NSMCE2: variants seen among roughly 807,000 people sequenced by gnomAD.
The protein encoded by NSMCE2 is E3 SUMO-protein ligase NSE2.
In NSMCE2, 24 loss-of-function variants were observed where a neutral mutation model predicts 23.8. The ratio of observed to expected loss-of-function variants is 1.01; its 90% CI spans 0.73 to 1.42. The LOEUF (loss-of-function observed/expected upper bound fraction) is 1.42. Ranked by LOEUF, NSMCE2 falls within the 40% of genes most tolerant of loss-of-function variation. The pLI is 0.00. For synonymous variants in NSMCE2, 92 were observed against 94.1 expected (o/e 0.98, Z 0.13); for missense variants, 284 against 296.5 (o/e 0.96, Z 0.31).
chr8:125,185,964 T>G (rs1823076389), intron 5 of NSMCE2, among the ~76,000 whole-genome samples: 1 of 152,248 alleles, frequency 6.6e-6, no homozygotes, highest in Non-Finnish European at 1.5e-5. Context: ...TTGAACTTGC[T>G]GAAAAGATCT....
intron 5 of NSMCE2, among the ~76,000 whole-genome samples, chr8:125,340,879 G>C (rs1256713800): frequency 1.3e-5 from 2 of 152,042 alleles, no homozygotes; most frequent in Non-Finnish European, 2.9e-5. Flanking sequence ...TCCTAATTAT[G>C]ACCCTGATAA....
At chr8:125,362,143 T>C (rs1162723628) in intron 7 of NSMCE2, among the ~76,000 whole-genome samples, 1 of 152,194 alleles carries the variant, frequency 6.6e-6, no homozygotes, top group African/African-American at 2.4e-5. Context: ...ACAGCGATGA[T>C]GCGGCAGCTG....
intron 5 of NSMCE2, among the ~76,000 whole-genome samples, chr8:125,188,419 A>G (rs1823201908): frequency 6.6e-6 from 1 of 152,138 alleles, no homozygotes; most frequent in African/African-American, 2.4e-5. Flanking sequence ...TGTGCTTGAG[A>G]GCTTCTGTGC....
intron 5 of NSMCE2, among the ~76,000 whole-genome samples, chr8:125,281,109 G>A (rs1253927326): frequency 6.6e-6 from 1 of 152,202 alleles, no homozygotes; most frequent in Admixed American, 6.5e-5. Flanking sequence ...TAGCTTTAAA[G>A]CGTTCAGACT....
chr8:125,109,385 G>A lies in NSMCE2; in HGVS notation c.157+6898G>A, dbSNP rs180708981. 4.5e-3 allele frequency among the ~76,000 whole-genome samples: 679 copies of A among 152,256 alleles called. 2 individuals are homozygous for A. Among genetic ancestry groups the A allele is most frequent in the Admixed American group, 6.9e-3 (106 of 15,298 alleles). ...GTGTGCATTTGAGTTTGAGTTGACC[G>A]GTGGGTGTGTTGGACAACAGAGAAT... is the stretch of plus-strand genomic sequence containing the variant. On this transcript the variant is annotated intron_variant, in intron 3 of 7. Transcript: ENST00000287437.
intron 3 of NSMCE2, among the ~76,000 whole-genome samples, chr8:125,142,753 C>T (rs1183247777): frequency 6.6e-6 from 1 of 151,782 alleles, no homozygotes; most frequent in African/African-American, 2.4e-5. Context: ...TACAGGCATG[C>T]ACCACCATGC....
chr8:125,153,632 G>T (rs1821160285), intron 4 of NSMCE2, among the ~76,000 whole-genome samples: 1 of 152,048 alleles, frequency 6.6e-6, no homozygotes, highest in Non-Finnish European at 1.5e-5. Flanking sequence ...TTCCAGCCCT[G>T]GTTCTTCTAC....
intron 5 of NSMCE2, among the ~76,000 whole-genome samples, chr8:125,312,473 A>G (rs1829009225): frequency 6.6e-6 from 1 of 151,982 alleles, no homozygotes; most frequent in Admixed American, 6.6e-5. Context: ...AAAATACAAA[A>G]ATTAGCCGGG....
At chr8:125,315,549 G>A (rs1204267461) in intron 5 of NSMCE2, among the ~76,000 whole-genome samples, 1 of 152,190 alleles carries the variant, frequency 6.6e-6, no homozygotes, top group Non-Finnish European at 1.5e-5. Flanking sequence ...GCTAATTCAT[G>A]AAAAGTGTTT....
At chr8:125,299,993 A>G (rs1218887397) in intron 5 of NSMCE2, among the ~76,000 whole-genome samples, 1 of 150,592 alleles carries the variant, frequency 6.6e-6, no homozygotes, top group Non-Finnish European at 1.5e-5. Flanking sequence ...TAATTTTTGT[A>G]TTTTTAGTAG....
intron 4 of NSMCE2, among the ~76,000 whole-genome samples, chr8:125,158,043 T>C (rs1821414895): frequency 6.6e-6 from 1 of 152,234 alleles, no homozygotes; most frequent in African/African-American, 2.4e-5. Context: ...CTTAGTTAAC[T>C]AGAACATCTC....
At chr8:125,223,870 G>A (rs910120568) in intron 5 of NSMCE2, among the ~76,000 whole-genome samples, 1 of 142,886 alleles carries the variant, frequency 7.0e-6, no homozygotes, top group African/African-American at 2.6e-5. Flanking sequence ...GGAGTATAGT[G>A]GCGCAATCAT....
At chr8:125,177,463 T>A (rs1308114937) in intron 4 of NSMCE2, among the ~76,000 whole-genome samples, 2 of 152,230 alleles carry the variant, frequency 1.3e-5, no homozygotes, top group East Asian at 3.8e-4. Context: ...CTATATTCAT[T>A]GGTTCACACA....
chr8:125,290,248 GAA>G lies in NSMCE2; in HGVS notation c.419-66969_419-66968del, dbSNP rs1828056583. On this transcript the variant is annotated intron_variant, in intron 5 of 7. Coordinates refer to ENST00000287437, the MANE Select transcript of NSMCE2 (RefSeq NM_173685.4). Reference sequence around the variant, plus strand: ...GAATATGTTAAAATCATATTAAGTAGAAATGTCTTAGTCAAAACGTGACTGAA... The same window carrying G: ...GAATATGTTAAAATCATATTAAGTAGATGTCTTAGTCAAAACGTGACTGAA... Among the ~76,000 whole-genome samples the G allele has an allele frequency of 1.1e-4, 16 of 152,154 alleles. No homozygotes were observed. The South Asian group carries it at 3.3e-3, about 32-fold the overall frequency.
intron 3 of NSMCE2, among the ~76,000 whole-genome samples, chr8:125,117,222 T>A (rs748064325): frequency 5.3e-5 from 8 of 151,974 alleles, no homozygotes; most frequent in Admixed American, 1.3e-4. Flanking sequence ...TTCTTTGGCT[T>A]TTTATTTTTT....
intron 5 of NSMCE2, among the ~76,000 whole-genome samples, chr8:125,315,590 A>G (rs974508388): frequency 3.3e-5 from 5 of 152,306 alleles, no homozygotes; most frequent in Non-Finnish European, 5.9e-5. Context: ...ACGGTCAGCA[A>G]TGTTAGCTTT....
At chr8:125,128,356 G>A (rs751636768) in intron 3 of NSMCE2, among the ~76,000 whole-genome samples, 1 of 152,126 alleles carries the variant, frequency 6.6e-6, no homozygotes, top group Non-Finnish European at 1.5e-5. Context: ...CTAGAAAGGT[G>A]GTAAGGGATT....
chr8:125,119,031 G>A (rs1031955410), intron 3 of NSMCE2, among the ~76,000 whole-genome samples: 4 of 152,132 alleles, frequency 2.6e-5, no homozygotes, highest in African/African-American at 7.2e-5. Flanking sequence ...AGTTGTATTT[G>A]GGGCAGTTTT....
At chr8:125,098,638 T>C (rs1340747771) in intron 1 of NSMCE2, among the ~76,000 whole-genome samples, 1 of 152,046 alleles carries the variant, frequency 6.6e-6, no homozygotes, top group Non-Finnish European at 1.5e-5. Context: ...GGAGATAGTT[T>C]GACTACAGAG....
Sources: gnomAD v4.1 joint callset for allele counts (sites outside exome capture counted in the v4.1 genomes callset) on GRCh38, gnomAD v4.1.1 for gene constraint, MANE v1.5 for transcripts, NCBI Gene and HGNC (gene_info 2026-07-23, HGNC 2026-07-21) for gene names.